ERLEC1: variants seen among roughly 807,000 people sequenced by gnomAD.
The protein encoded by ERLEC1 is ER lectin.
ERLEC1 carries 47 observed loss-of-function variants against 68.0 expected under a neutral mutation model. That is an observed-to-expected ratio of 0.69 (90% CI 0.55 to 0.88). The LOEUF is 0.88. Among genes scored for constraint, ERLEC1 ranks in the 40% least tolerant of loss-of-function variants. The pLI is 0.00. For missense variants in ERLEC1, 567 were observed against 583.8 expected (o/e 0.97, Z 0.30); for synonymous variants, 225 against 203.2 (o/e 1.11, Z -0.91).
Position 53,813,064 on chromosome 2 carries a change from A to G in ERLEC1, c.1217A>G (p.Gln406Arg), listed in dbSNP as rs1033099961. Residue 406 changes from glutamine to arginine, a missense_variant, in exon 11 of 14, where the codon CAG (glutamine) becomes CGG (arginine). Physicochemically the swap from Gln to Arg is conservative, Grantham distance 43. Coordinates refer to ENST00000185150, the MANE Select transcript of ERLEC1 (RefSeq NM_015701.5). Reference protein sequence around the residue: ...RAYHLQDDGTQTVRMVSHFYG... With the variant: ...RAYHLQDDGTRTVRMVSHFYG... Reference sequence around the variant, plus strand: ...TATCATCTTCAAGACGATGGTACCCAGACAGTCAGGTAAAGATTCACTTTA... The same window carrying G: ...TATCATCTTCAAGACGATGGTACCCGGACAGTCAGGTAAAGATTCACTTTA... 5.6e-6 allele frequency: 9 copies of G among 1,609,960 alleles called. No individual in the cohort carries two copies. The highest frequency in any genetic ancestry group is 7.6e-6 in the Non-Finnish European group (9 of 1,179,284).
intron 6 of ERLEC1, 59 bp downstream of exon 6, chr2:53,799,140 T>G: frequency 2.1e-6 from 3 of 1,407,238 alleles, no homozygotes; most frequent in East Asian, 2.3e-5. Flanking sequence ...AGGTATGAAT[T>G]TATATAACCC....
At chr2:53,806,060 T>C (rs1339090651) in intron 8 of ERLEC1, among the ~76,000 whole-genome samples, 2 of 152,230 alleles carry the variant, frequency 1.3e-5, no homozygotes, top group African/African-American at 2.4e-5. Context: ...ACATTTAGCA[T>C]ATGGTTTGCC....
At chr2:53,797,646 T>A in intron 4 of ERLEC1, 54 bp downstream of exon 4, 1 of 1,566,254 alleles carries the variant, frequency 6.4e-7, no homozygotes, top group Non-Finnish European at 8.7e-7. Context: ...AGAACTTTAA[T>A]AATGAGATTG....
chr2:53,797,269 A>T (rs114068086), intron 3 of ERLEC1, among the ~76,000 whole-genome samples: 2 of 152,352 alleles, frequency 1.3e-5, no homozygotes, highest in Non-Finnish European at 2.9e-5. Flanking sequence ...TCCCTAAGCC[A>T]GGTAATTATT....
chr2:53,815,004 T>TG (rs1676797473), intron 13 of ERLEC1, 69 bp downstream of exon 13: 1 of 965,056 alleles, frequency 1.0e-6, no homozygotes, highest in African/African-American at 1.7e-5. Context: ...TCTTTTTTTT[T>TG]TTTTTTTTTT....
intron 8 of ERLEC1, among the ~76,000 whole-genome samples, chr2:53,804,534 C>T (rs1676176142): frequency 6.6e-6 from 1 of 152,168 alleles, no homozygotes; most frequent in African/African-American, 2.4e-5. Context: ...CCTCGGCCTT[C>T]CACAGTGCTG....
At position 53,787,079 on chromosome 2, in the gene ERLEC1, T is replaced by C; in HGVS notation, c.-132T>C. ...TTGCCGGGCTCTCCGGAAGGAGACG[T>C]GGCGGCGGTTGGGCCGGTGATACCC... is the stretch of plus-strand genomic sequence containing the variant. On this transcript the variant is annotated 5_prime_UTR_variant, in exon 1 of 14. Transcript: ENST00000185150. The C allele has an allele frequency of 5.6e-6, 7 of 1,250,888 alleles. No homozygotes were observed. Among genetic ancestry groups the C allele is most frequent in the South Asian group, 1.7e-5 (1 of 57,968 alleles). 77.5% of individuals were successfully genotyped at this position (1,250,888 alleles called of 1,614,324 possible).
intron 8 of ERLEC1, among the ~76,000 whole-genome samples, chr2:53,805,916 A>T (rs1041531639): frequency 8.5e-5 from 13 of 152,154 alleles, no homozygotes; most frequent in African/African-American, 3.1e-4. Flanking sequence ...GATACTTAGT[A>T]TCTTTAGGGT....
chr2:53,803,520 T>C (rs1676112856), intron 8 of ERLEC1, among the ~76,000 whole-genome samples: 1 of 152,012 alleles, frequency 6.6e-6, no homozygotes, highest in African/African-American at 2.4e-5. Context: ...TCCCAACACT[T>C]TGGGAGGCCG....
chr2:53,817,534 C>T (rs1676965087), intron 13 of ERLEC1, among the ~76,000 whole-genome samples: 1 of 152,142 alleles, frequency 6.6e-6, no homozygotes, highest in African/African-American at 2.4e-5. Context: ...ATAATTTCAA[C>T]ATCTGTTCCA....
In ERLEC1 at chr2:53,796,020, AT is replaced by A; in HGVS notation, c.348+11del. ...AAGCAGTTGTTCCTACAGAGTATGTATTTTATGTTTACTTGATGACTAGAAA... is the reference window on the plus strand; with the variant it reads ...AAGCAGTTGTTCCTACAGAGTATGTATTTATGTTTACTTGATGACTAGAAA... On this transcript the variant is annotated splice_region_variant and intron_variant, in intron 3 of 13. Transcript: ENST00000185150. 1 of 1,568,944 alleles carries A rather than the reference AT, an allele frequency of 6.4e-7. No individual in the cohort carries two copies. Among genetic ancestry groups the A allele is most frequent in the Non-Finnish European group, 8.6e-7 (1 of 1,156,670 alleles).
At chr2:53,800,841 T>C (rs954315814) in intron 6 of ERLEC1, among the ~76,000 whole-genome samples, 3 of 152,148 alleles carry the variant, frequency 2.0e-5, no homozygotes, top group Non-Finnish European at 4.4e-5. Context: ...CTGGATAGTA[T>C]TGCTGTTAAT....
rs1261150257 is a variant in ERLEC1 at position 53,818,099 on chromosome 2, C to T, written c.*130C>T. On this transcript the variant is annotated 3_prime_UTR_variant, in exon 14 of 14. Transcript: ENST00000185150. ...GATGGTATAAAATGACTCTCAACCA[C>T]TTTGTGAATACATATGTGTATATAA... 1 of 624,664 alleles carries T rather than the reference C, an allele frequency of 1.6e-6. No individual in the cohort carries two copies. Among genetic ancestry groups the T allele is most frequent in the African/African-American group, 1.8e-5 (1 of 55,070 alleles). The allele number at this position is 624,664 out of a possible 1,614,324, so 38.7% of individuals were successfully genotyped here.
chr2:53,817,728 ACTAAAAGTTGTTTTTCAAGAAG>A (rs1395974010), intron 13 of ERLEC1, among the ~76,000 whole-genome samples, 148 bp from the exon 14 acceptor site: 1 of 152,184 alleles, frequency 6.6e-6, no homozygotes, highest in Admixed American at 6.5e-5. Context: ...TGTATGGATG[ACTAAAAGTTGTTTTTCAAGAAG>A]CTTAATTTGT....
chr2:53,815,613 T>C (rs1406997072), intron 13 of ERLEC1, among the ~76,000 whole-genome samples: 4 of 152,162 alleles, frequency 2.6e-5, no homozygotes, highest in Non-Finnish European at 4.4e-5. Context: ...ATTTATGACA[T>C]TGTAGATTAG....
At chr2:53,797,865 T>A (rs1675797936) in intron 5 of ERLEC1, 70 bp downstream of exon 5, 1 of 1,354,868 alleles carries the variant, frequency 7.4e-7, no homozygotes, top group Non-Finnish European at 1.0e-6. Flanking sequence ...AAAATGGAAT[T>A]TACGAGATTT....
intron 2 of ERLEC1, among the ~76,000 whole-genome samples, chr2:53,794,719 A>C (rs1372566946): frequency 6.6e-6 from 1 of 152,128 alleles, no homozygotes; most frequent in Non-Finnish European, 1.5e-5. Context: ...CAGTGGCACG[A>C]TCTTGGCTCA....
chr2:53,796,251 T>G (rs1573072416), intron 3 of ERLEC1, among the ~76,000 whole-genome samples: 1 of 151,000 alleles, frequency 6.6e-6, no homozygotes, highest in African/African-American at 2.4e-5. Context: ...GGTTGGTTTT[T>G]TTTTTTTTTT....
intron 1 of ERLEC1, among the ~76,000 whole-genome samples, chr2:53,793,473 A>G (rs1675519897): frequency 6.6e-6 from 1 of 152,216 alleles, no homozygotes; most frequent in African/African-American, 2.4e-5. Context: ...TTTTGTTGCT[A>G]CAGTGGCAGA....
Sources: allele counts gnomAD v4.1 joint callset (sites outside exome capture counted in the v4.1 genomes callset), GRCh38; gene constraint gnomAD v4.1.1; transcripts MANE v1.5; gene names NCBI Gene and HGNC (gene_info 2026-07-23, HGNC 2026-07-21).